Variants in FGF7 observed in about 807,000 individuals in gnomAD.
FGF7 encodes FGF-7.
A neutral mutation model predicts 20.5 loss-of-function variants in FGF7; 6 were observed. That is an observed-to-expected ratio of 0.29 (90% CI 0.16 to 0.58). The LOEUF is 0.58. Ranked by LOEUF, FGF7 falls within the 20% of genes least tolerant of loss-of-function variation. The pLI is 0.90. For missense variants in FGF7, 144 were observed against 228.8 expected (o/e 0.63, Z 2.39); for synonymous variants, 64 against 74.7 (o/e 0.86, Z 0.74).
intron 2 of FGF7, among the ~76,000 whole-genome samples, chr15:49,453,292 T>C (rs543864766): frequency 6.6e-6 from 1 of 152,256 alleles, no homozygotes; most frequent in African/African-American, 2.4e-5. Context: ...TATTTTAAGA[T>C]GGGATTTCAC....
intron 2 of FGF7, among the ~76,000 whole-genome samples, chr15:49,458,971 GAAC>G (rs2053556372): frequency 1.3e-5 from 2 of 151,988 alleles, no homozygotes; most frequent in African/African-American, 2.4e-5. Context: ...CTGCTATCCA[GAAC>G]AATAAAGCAA....
At chr15:49,449,022 AT>A (rs1291121991) in intron 2 of FGF7, among the ~76,000 whole-genome samples, 1 of 151,866 alleles carries the variant, frequency 6.6e-6, no homozygotes, top group Non-Finnish European at 1.5e-5. Context: ...GAGAAATAAC[AT>A]TCTTTTCTGT....
At chr15:49,484,234 C>T (rs12438444) in intron 3 of FGF7, 76 bp from the exon 4 acceptor site, 275,948 of 1,031,756 alleles carry the variant, frequency 0.27, 38,341 homozygotes, top group East Asian at 0.42. Context: ...CCAAATATTA[C>T]CTGCTTACTC....
intron 2 of FGF7, among the ~76,000 whole-genome samples, chr15:49,480,165 T>A (rs1400244158): frequency 6.6e-6 from 1 of 152,220 alleles, no homozygotes; most frequent in African/African-American, 2.4e-5. Flanking sequence ...GTTAATGGTA[T>A]TTTTTAAATA....
chr15:49,434,014 G>C (rs2050856397), intron 2 of FGF7, among the ~76,000 whole-genome samples: 1 of 151,696 alleles, frequency 6.6e-6, no homozygotes, highest in Non-Finnish European at 1.5e-5. Context: ...CAGCACTGAA[G>C]GGAGGAGAGG....
chr15:49,480,606 T>A (rs989599033), intron 2 of FGF7, among the ~76,000 whole-genome samples: 5 of 151,152 alleles, frequency 3.3e-5, no homozygotes, highest in Non-Finnish European at 7.4e-5. Flanking sequence ...TTCAGCCTCC[T>A]GAGTAGCTGG....
rs938623940 is a variant in FGF7, at chr15:49,444,981, T to C, written c.286+20398T>C. On this transcript the variant is annotated intron_variant, in intron 2 of 3. Coordinates refer to ENST00000267843, the MANE Select transcript of FGF7 (RefSeq NM_002009.4). ...ACAAATATTCATGTATTCATATTCATTCTGATTCATATTCATATATTCATA... is the reference window on the plus strand; with the variant it reads ...ACAAATATTCATGTATTCATATTCACTCTGATTCATATTCATATATTCATA... Among the ~76,000 whole-genome samples the C allele has an allele frequency of 4.6e-5, 7 of 151,680 alleles. 1 individual carries two copies. Among genetic ancestry groups the C allele is most frequent in the African/African-American group, 1.7e-4 (7 of 41,396 alleles).
chr15:49,457,473 T>C (rs1185439726), intron 2 of FGF7, among the ~76,000 whole-genome samples: 2 of 152,016 alleles, frequency 1.3e-5, no homozygotes, highest in Non-Finnish European at 2.9e-5. Flanking sequence ...GACTGAACTT[T>C]TCAGTAAAAT....
At chr15:49,460,442 T>A (rs2151924872) in intron 2 of FGF7, among the ~76,000 whole-genome samples, 1 of 152,316 alleles carries the variant, frequency 6.6e-6, no homozygotes, top group South Asian at 2.1e-4. Context: ...CACTGCAAAG[T>A]CTGAATGCAT....
intron 2 of FGF7, among the ~76,000 whole-genome samples, chr15:49,467,906 T>C (rs535377778): frequency 5.3e-4 from 80 of 152,120 alleles, no homozygotes; most frequent in Non-Finnish European, 1.1e-3. Flanking sequence ...TGCAATACAG[T>C]TCAATGATGT....
At chr15:49,429,975 C>T (rs2151778829) in intron 2 of FGF7, among the ~76,000 whole-genome samples, 1 of 151,992 alleles carries the variant, frequency 6.6e-6, no homozygotes, top group East Asian at 1.9e-4. Context: ...CCTCAGGGGT[C>T]TTGGGAATGT....
chr15:49,482,880 T>C (rs1321206185), intron 2 of FGF7, among the ~76,000 whole-genome samples: 1 of 151,988 alleles, frequency 6.6e-6, no homozygotes, highest in African/African-American at 2.4e-5. Flanking sequence ...TTCTAGAGAA[T>C]AAAAAGCTGA....
rs536634519 is a variant in FGF7 at position 49,455,109 on chromosome 15, C to T, written c.287-28042C>T. ...TTAAAGCATATTCTCTAGGCCTCAA[C>T]CCTCACCTATTGAGTCAAAATCTCT... is the stretch of plus-strand genomic sequence containing the variant. On this transcript the variant is annotated intron_variant, in intron 2 of 3. Coordinates refer to ENST00000267843, the MANE Select transcript of FGF7 (RefSeq NM_002009.4). Among the ~76,000 whole-genome samples the T allele has an allele frequency of 4.6e-5, 7 of 152,244 alleles. No individual in the cohort carries two copies. In the South Asian group the frequency reaches 1.5e-3, roughly 32 times the overall value.
intron 2 of FGF7, among the ~76,000 whole-genome samples, chr15:49,462,998 T>G (rs2053939944): frequency 6.6e-6 from 1 of 152,224 alleles, no homozygotes; most frequent in Non-Finnish European, 1.5e-5. Context: ...TTGAGGTCTT[T>G]AAAGAGTTTG....
rs1456411128 is a variant in FGF7, at chr15:49,453,239, A to T, written c.286+28656A>T. Reference sequence around the variant, plus strand: ...ATCTAATACGTCATTTCAACACATAATCAGTATAAAAATATATACATATTT... The same window carrying T: ...ATCTAATACGTCATTTCAACACATATTCAGTATAAAAATATATACATATTT... On this transcript the variant is annotated intron_variant, in intron 2 of 3. Coordinates refer to ENST00000267843, the MANE Select transcript of FGF7 (RefSeq NM_002009.4). 4.6e-5 allele frequency among the ~76,000 whole-genome samples: 7 copies of T among 152,110 alleles called. No homozygotes were observed. The East Asian group carries it at 1.4e-3, about 29-fold the overall frequency.
At chr15:49,446,989 T>G (rs2052280433) in intron 2 of FGF7, among the ~76,000 whole-genome samples, 1 of 151,452 alleles carries the variant, frequency 6.6e-6, no homozygotes, top group Non-Finnish European at 1.5e-5. Flanking sequence ...TTTTGACAGG[T>G]ATAACCAGAA....
chr15:49,462,879 A>G (rs2053931449), intron 2 of FGF7, among the ~76,000 whole-genome samples: 1 of 152,214 alleles, frequency 6.6e-6, no homozygotes, highest in Non-Finnish European at 1.5e-5. Flanking sequence ...ATAAATAAAT[A>G]CATTTTATTC....
intron 2 of FGF7, among the ~76,000 whole-genome samples, chr15:49,429,630 A>T (rs2151776561): frequency 6.6e-6 from 1 of 151,982 alleles, no homozygotes; most frequent in African/African-American, 2.4e-5. Context: ...CTATCTCTCA[A>T]CCTTGTCTAA....
intron 2 of FGF7, among the ~76,000 whole-genome samples, chr15:49,455,925 A>G (rs2053242243): frequency 6.6e-6 from 1 of 152,084 alleles, no homozygotes; most frequent in South Asian, 2.1e-4. Flanking sequence ...ATGTGTTGGA[A>G]ATTACTACAG....
Sources: allele counts gnomAD v4.1 joint callset (sites outside exome capture counted in the v4.1 genomes callset), GRCh38; gene constraint gnomAD v4.1.1; transcripts MANE v1.5; gene names NCBI Gene and HGNC (gene_info 2026-07-23, HGNC 2026-07-21).